The following PPP1R21 variants were observed in gnomAD, a reference collection of about 807,000 sequenced individuals.
The protein encoded by PPP1R21 is KLRAQ motif containing 1.
Under a neutral mutation model 112.8 loss-of-function variants are expected in PPP1R21, and 85 were observed. The ratio of observed to expected loss-of-function variants is 0.75; its 90% CI spans 0.63 to 0.90. The LOEUF is 0.90. PPP1R21 is among the 40% of genes least tolerant of loss of function. The pLI, the probability that PPP1R21 is intolerant of heterozygous loss-of-function variation, is 0.00. For synonymous variants in PPP1R21, 381 were observed against 322.3 expected (o/e 1.18, Z -1.95); for missense variants, 1,199 against 901.5 (o/e 1.33, Z -4.23).
rs1353589632 is a variant in PPP1R21 at position 48,463,665 on chromosome 2, CAA to C, written c.695-1271_695-1270del. ...TAATGGAAGAGACTCACTGTGGACA[CAA>C]GAGTTAAATGAGCTGCAGCAAATGC... On this transcript the variant is annotated intron_variant, in intron 7 of 21. Coordinates refer to ENST00000294952, the MANE Select transcript of PPP1R21 (RefSeq NM_001135629.3). Among the ~76,000 whole-genome samples the C allele has an allele frequency of 5.3e-5, 8 of 152,090 alleles. No individual in the cohort carries two copies. The South Asian group carries it at 1.0e-3, about 20-fold the overall frequency.
intron 12 of PPP1R21, chr2:48,479,520 C>T (rs1476121606): frequency 4.2e-6 from 2 of 475,872 alleles, no homozygotes; most frequent in African/African-American, 2.0e-5. Context: ...GAGCTCCTCA[C>T]GCTGACATGG....
chr2:48,466,697 A>C (rs1203410822), intron 9 of PPP1R21, among the ~76,000 whole-genome samples: 2 of 152,122 alleles, frequency 1.3e-5, no homozygotes, highest in Non-Finnish European at 2.9e-5. Context: ...GGAGGAGAGA[A>C]GTGGGATACA....
intron 21 of PPP1R21, among the ~76,000 whole-genome samples, chr2:48,514,263 T>G (rs1329591861): frequency 6.6e-6 from 1 of 152,012 alleles, no homozygotes; most frequent in Non-Finnish European, 1.5e-5. Flanking sequence ...TTTTTTTGTA[T>G]TTTTAATAGA....
chr2:48,474,811 C>A lies in PPP1R21; in HGVS notation c.1217C>A (p.Ala406Asp). The A allele has an allele frequency of 1.2e-6, 2 of 1,612,282 alleles. No individual in the cohort carries two copies. Among genetic ancestry groups the A allele is most frequent in the Non-Finnish European group, 1.7e-6 (2 of 1,179,282 alleles). ...CTGCAGACTTACATAGCTCTTCTTG[C>A]CTTGCCAAGTAAGTATGTTTGTTGC... is the stretch of plus-strand genomic sequence containing the variant. ...EKLQTYIALL[A>D]LPSTEPDGLL... Residue 406 changes from alanine to aspartate, a missense_variant, in exon 12 of 22, where the codon GCC becomes GAC. Transcript: ENST00000294952.
At chr2:48,510,564 G>C (rs146829593) in intron 20 of PPP1R21, among the ~76,000 whole-genome samples, 47 of 152,328 alleles carry the variant, frequency 3.1e-4, no homozygotes, top group African/African-American at 1.1e-3. Context: ...AAAACATGAT[G>C]CCAGGCAAGG....
chr2:48,454,064 G>C (rs1390776463), intron 2 of PPP1R21, among the ~76,000 whole-genome samples: 1 of 152,104 alleles, frequency 6.6e-6, no homozygotes, highest in African/African-American at 2.4e-5. Context: ...TTTGAGACCA[G>C]CCTGTCCAAC....
At chr2:48,509,297 GA>G (rs1210098961) in intron 19 of PPP1R21, among the ~76,000 whole-genome samples, 3 of 151,860 alleles carry the variant, frequency 2.0e-5, no homozygotes, top group Non-Finnish European at 4.4e-5. Flanking sequence ...TAAAACACAA[GA>G]AAAGTACCTT....
At chr2:48,443,486 GA>G (rs1221199033) in intron 1 of PPP1R21, among the ~76,000 whole-genome samples, 1 of 152,188 alleles carries the variant, frequency 6.6e-6, no homozygotes, top group African/African-American at 2.4e-5. Flanking sequence ...GTCCCATCAC[GA>G]TGCACTTTGA....
chr2:48,466,209 G>GT (rs973234791), intron 9 of PPP1R21, among the ~76,000 whole-genome samples: 142 of 145,404 alleles, frequency 9.8e-4, no homozygotes, highest in Middle Eastern at 7.2e-3. Context: ...TATCAGGGAG[G>GT]TTTTTTTTTT....
intron 3 of PPP1R21, among the ~76,000 whole-genome samples, chr2:48,455,384 C>G (rs1353547064): frequency 6.6e-6 from 1 of 151,650 alleles, no homozygotes; most frequent in Non-Finnish European, 1.5e-5. Context: ...TTCAGGTGGT[C>G]TGCTCGCCTC....
intron 13 of PPP1R21, among the ~76,000 whole-genome samples, chr2:48,484,473 A>G (rs1669181324): frequency 6.6e-6 from 1 of 151,446 alleles, no homozygotes. Context: ...GTCAAGAAAC[A>G]CTCTAAATAA....
chr2:48,460,044 C>T lies in PPP1R21; in HGVS notation c.541-51C>T, dbSNP rs766824113. The T allele has an allele frequency of 1.2e-5, 20 of 1,608,080 alleles. No homozygotes were observed. In the South Asian group the frequency reaches 2.2e-4, roughly 18 times the overall value. On this transcript the variant is annotated intron_variant, in intron 5 of 21. Coordinates refer to ENST00000294952, the MANE Select transcript of PPP1R21 (RefSeq NM_001135629.3). The stretch of plus-strand genomic sequence containing the variant: ...CTGCAGGGTCTTACTAAGTGTGCTC[C>T]TATCTGTCGTAGCCTGAGCCATCTG...
At chr2:48,483,140 T>A (rs980461940) in intron 13 of PPP1R21, among the ~76,000 whole-genome samples, 1 of 151,850 alleles carries the variant, frequency 6.6e-6, no homozygotes, top group Non-Finnish European at 1.5e-5. Flanking sequence ...GGCTGCATAG[T>A]GTTCTATGAC....
chr2:48,509,214 A>C (rs1670521907), intron 19 of PPP1R21, among the ~76,000 whole-genome samples: 1 of 152,130 alleles, frequency 6.6e-6, no homozygotes, highest in Non-Finnish European at 1.5e-5. Flanking sequence ...TTCCCTTGTA[A>C]GTAGCGCATA....
chr2:48,464,184 G>A (rs1291287410), intron 7 of PPP1R21, among the ~76,000 whole-genome samples: 4 of 152,172 alleles, frequency 2.6e-5, no homozygotes, highest in Non-Finnish European at 5.9e-5. Flanking sequence ...GTGGATGGGA[G>A]ATCAAGCTGG....
intron 7 of PPP1R21, among the ~76,000 whole-genome samples, chr2:48,462,861 G>A (rs989330564): frequency 7.2e-5 from 11 of 152,170 alleles, no homozygotes; most frequent in Admixed American, 3.9e-4. Flanking sequence ...TAGTTTTGGC[G>A]TACTATTGTG....
intron 20 of PPP1R21, 28 bp from the exon 21 acceptor site, chr2:48,511,312 G>T (rs1670628787): frequency 6.2e-7 from 1 of 1,601,258 alleles, no homozygotes; most frequent in African/African-American, 1.3e-5. Flanking sequence ...GTGGGATGTT[G>T]ATTTTTGTCT....
At chr2:48,481,843 A>AT (rs1558480387) in intron 13 of PPP1R21, among the ~76,000 whole-genome samples, 2 of 152,240 alleles carry the variant, frequency 1.3e-5, no homozygotes, top group Admixed American at 6.5e-5. Context: ...TCATGACACC[A>AT]TAAGTGGAAA....
chr2:48,452,864 A>T (rs1186943920), intron 2 of PPP1R21, among the ~76,000 whole-genome samples: 1 of 152,164 alleles, frequency 6.6e-6, no homozygotes, highest in Non-Finnish European at 1.5e-5. Flanking sequence ...TAATGGGAGC[A>T]TATTGTTCTA....
Sources: gnomAD v4.1 joint callset for allele counts (sites outside exome capture counted in the v4.1 genomes callset) on GRCh38, gnomAD v4.1.1 for gene constraint, MANE v1.5 for transcripts, NCBI Gene and HGNC (gene_info 2026-07-23, HGNC 2026-07-21) for gene names.